The following KHDRBS3 variants were observed in gnomAD, a reference collection of about 807,000 sequenced individuals.
The protein encoded by KHDRBS3 is KH domain-containing, RNA-binding, signal transduction-associated protein 3.
In KHDRBS3, 23 loss-of-function variants were observed where a neutral mutation model predicts 45.6. That is an observed-to-expected ratio of 0.50 (90% CI 0.36 to 0.72). KHDRBS3 has a LOEUF of 0.72. Ranked by LOEUF, KHDRBS3 falls within the 30% of genes least tolerant of loss-of-function variation. The pLI, the probability that KHDRBS3 is intolerant of heterozygous loss-of-function variation, is 0.00. For missense variants in KHDRBS3, 352 were observed against 424.8 expected, an observed-to-expected ratio of 0.83 and a Z score of 1.51; for synonymous variants, 162 against 156.5, an observed-to-expected ratio of 1.04 and a Z score of -0.26.
At chr8:135,476,391 C>T (rs1034872365) in intron 1 of KHDRBS3, among the ~76,000 whole-genome samples, 1 of 152,148 alleles carries the variant, frequency 6.6e-6, no homozygotes, top group East Asian at 1.9e-4. Context: ...ATCCACCCAC[C>T]TCGGCCTCCC....
intron 7 of KHDRBS3, among the ~76,000 whole-genome samples, chr8:135,628,648 C>T (rs1242400401): frequency 6.6e-6 from 1 of 152,076 alleles, no homozygotes; most frequent in African/African-American, 2.4e-5. Context: ...TCATTGTCTC[C>T]ACATGCCCAT....
intron 5 of KHDRBS3, among the ~76,000 whole-genome samples, chr8:135,571,037 A>T (rs1688312820): frequency 6.6e-6 from 1 of 152,230 alleles, no homozygotes; most frequent in Non-Finnish European, 1.5e-5. Context: ...AACTTCTGAC[A>T]AGAACTTGTA....
At chr8:135,491,420 GA>G (rs755409281) in intron 1 of KHDRBS3, among the ~76,000 whole-genome samples, 50 of 147,016 alleles carry the variant, frequency 3.4e-4, no homozygotes, top group Admixed American at 1.8e-3. Context: ...AAAAAGGAAA[GA>G]AAAAAAAAAT....
At chr8:135,557,375 C>A in intron 4 of KHDRBS3, 73 bp from the exon 5 acceptor site, 2 of 861,826 alleles carry the variant, frequency 2.3e-6, no homozygotes, top group South Asian at 3.0e-5. Context: ...TTAAGAATTA[C>A]TTGCTTTTTG....
intron 5 of KHDRBS3, among the ~76,000 whole-genome samples, chr8:135,564,033 A>T (rs1396069552): frequency 2.6e-5 from 4 of 152,224 alleles, no homozygotes; most frequent in Non-Finnish European, 5.9e-5. Context: ...AGGCTAACCC[A>T]GTCACCCAGG....
At chr8:135,577,070 A>G (rs1827977252) in intron 5 of KHDRBS3, among the ~76,000 whole-genome samples, 1 of 152,006 alleles carries the variant, frequency 6.6e-6, no homozygotes, top group South Asian at 2.1e-4. Flanking sequence ...CTTCCTGTAG[A>G]AAGTAACTTC....
chr8:135,567,182 C>T (rs1432995508), intron 5 of KHDRBS3, among the ~76,000 whole-genome samples: 1 of 151,972 alleles, frequency 6.6e-6, no homozygotes, highest in African/African-American at 2.4e-5. Flanking sequence ...AAGCTATTCC[C>T]TTGTGATTGT....
At chr8:135,507,494 G>A (rs980755765) in intron 1 of KHDRBS3, among the ~76,000 whole-genome samples, 8 of 152,096 alleles carry the variant, frequency 5.3e-5, no homozygotes, top group Non-Finnish European at 4.4e-5. Flanking sequence ...CTTTATGGTC[G>A]AAGGACAAAA....
At chr8:135,498,925 T>C (rs1823594330) in intron 1 of KHDRBS3, among the ~76,000 whole-genome samples, 1 of 151,884 alleles carries the variant, frequency 6.6e-6, no homozygotes, top group Non-Finnish European at 1.5e-5. Context: ...AACTGGGTAT[T>C]GTTTTAAACA....
chr8:135,488,870 C>T (rs530275247), intron 1 of KHDRBS3, among the ~76,000 whole-genome samples: 2 of 152,168 alleles, frequency 1.3e-5, no homozygotes, highest in Non-Finnish European at 2.9e-5. Flanking sequence ...GATGCTTATG[C>T]TTAATAAACA....
chr8:135,514,767 C>G (rs191671562), intron 1 of KHDRBS3, among the ~76,000 whole-genome samples: 43 of 152,232 alleles, frequency 2.8e-4, no homozygotes, highest in African/African-American at 9.1e-4. Context: ...TGAATTCTGA[C>G]TGTGCTATTA....
intron 7 of KHDRBS3, among the ~76,000 whole-genome samples, chr8:135,634,290 C>G (rs1250950368): frequency 6.6e-6 from 1 of 152,174 alleles, no homozygotes; most frequent in Non-Finnish European, 1.5e-5. Flanking sequence ...CCCCTGTCAG[C>G]ACTGTGATGG....
intron 1 of KHDRBS3, among the ~76,000 whole-genome samples, chr8:135,477,423 TGTAGAG>T (rs1822347861): frequency 6.6e-6 from 1 of 152,152 alleles, no homozygotes; most frequent in Non-Finnish European, 1.5e-5. Flanking sequence ...ATTGGAAAAA[TGTAGAG>T]AAACTAAAAG....
intron 7 of KHDRBS3, among the ~76,000 whole-genome samples, chr8:135,626,803 CA>C (rs57231709): frequency 2.3e-3 from 210 of 91,106 alleles, no homozygotes; most frequent in Middle Eastern, 0.014. Flanking sequence ...GACTCCGTCT[CA>C]AAAAAAAAAA....
rs185947474 is a variant in KHDRBS3, at chr8:135,520,653, G to A, written c.89-584G>A. ...ACAGAAAAGGAGATTTAATGTGGTTGAGTCTCGAAAGGAGATGAAGATGAA... is the reference window on the plus strand; with the variant it reads ...ACAGAAAAGGAGATTTAATGTGGTTAAGTCTCGAAAGGAGATGAAGATGAA... On this transcript the variant is annotated intron_variant, in intron 1 of 8. Transcript: ENST00000355849. 2.1e-3 allele frequency among the ~76,000 whole-genome samples: 315 copies of A among 152,296 alleles called. 1 individual carries two copies. The highest frequency in any genetic ancestry group is 0.014 in the Middle Eastern group (4 of 294).
At chr8:135,507,883 A>AAAGG (rs1275556860) in intron 1 of KHDRBS3, among the ~76,000 whole-genome samples, 1 of 152,214 alleles carries the variant, frequency 6.6e-6, no homozygotes, top group African/African-American at 2.4e-5. Flanking sequence ...TATCATGAGT[A>AAAGG]AATCTAAGTG....
chr8:135,599,321 A>G (rs1829104557), intron 6 of KHDRBS3, among the ~76,000 whole-genome samples: 1 of 152,228 alleles, frequency 6.6e-6, no homozygotes, highest in Non-Finnish European at 1.5e-5. Flanking sequence ...CTAATTTCTC[A>G]TCCATGTTTG....
At chr8:135,582,143 G>A in intron 6 of KHDRBS3, 70 bp downstream of exon 6, 2 of 1,371,336 alleles carry the variant, frequency 1.5e-6, no homozygotes, top group Non-Finnish European at 9.6e-7. Context: ...ACTGGATATT[G>A]TACCCGCGTA....
intron 7 of KHDRBS3, among the ~76,000 whole-genome samples, chr8:135,629,113 G>C (rs1181363674): frequency 6.6e-6 from 1 of 152,216 alleles, no homozygotes; most frequent in Non-Finnish European, 1.5e-5. Context: ...GTATTTCATA[G>C]TAGAAAAGGG....
Sources: allele counts gnomAD v4.1 joint callset (sites outside exome capture counted in the v4.1 genomes callset), GRCh38; gene constraint gnomAD v4.1.1; transcripts MANE v1.5; gene names NCBI Gene and HGNC (gene_info 2026-07-23, HGNC 2026-07-21).